UNC13B: variants seen among roughly 807,000 people sequenced by gnomAD.
UNC13B encodes unc-13 homolog B.
UNC13B carries 144 observed loss-of-function variants against 211.0 expected under a neutral mutation model. The observed-to-expected ratio is 0.68, with a 90% confidence interval of 0.60 to 0.78. The LOEUF (loss-of-function observed/expected upper bound fraction) is 0.78. UNC13B is among the 30% of genes least tolerant of loss of function. The pLI, the probability that UNC13B is intolerant of heterozygous loss-of-function variation, is 0.00. For missense variants in UNC13B, 1,777 were observed against 2,002.0 expected, an observed-to-expected ratio of 0.89 and a Z score of 2.14; for synonymous variants, 709 against 725.8, an observed-to-expected ratio of 0.98 and a Z score of 0.37.
intron 1 of UNC13B, among the ~76,000 whole-genome samples, chr9:35,226,356 GTGTGTGTGTGTGTGTA>G (rs1194617008): frequency 1.3e-5 from 2 of 151,280 alleles, no homozygotes; most frequent in African/African-American, 2.4e-5. Flanking sequence ...CTGATAGGGT[GTGTGTGTGTGTGTGTA>G]TGTGTGTGTG....
chr9:35,206,665 A>G (rs1285496689), intron 1 of UNC13B, among the ~76,000 whole-genome samples: 2 of 152,076 alleles, frequency 1.3e-5, no homozygotes, highest in African/African-American at 4.8e-5. Flanking sequence ...CACGAGGTCA[A>G]GAGATCGAGA....
chr9:35,331,784 A>G (rs1022781319), intron 11 of UNC13B, among the ~76,000 whole-genome samples: 4 of 151,576 alleles, frequency 2.6e-5, no homozygotes, highest in East Asian at 1.9e-4. Flanking sequence ...ATTTTCTTCT[A>G]TTATTCTTAG....
intron 8 of UNC13B, among the ~76,000 whole-genome samples, chr9:35,299,136 G>A (rs1425860391): frequency 6.6e-6 from 1 of 152,138 alleles, no homozygotes; most frequent in Non-Finnish European, 1.5e-5. Flanking sequence ...GGAGGCTGAG[G>A]CAGGAGAATT....
chr9:35,266,883 G>T (rs1272292245), intron 7 of UNC13B, among the ~76,000 whole-genome samples: 1 of 152,192 alleles, frequency 6.6e-6, no homozygotes, highest in Non-Finnish European at 1.5e-5. Flanking sequence ...TGAAAGAAAG[G>T]TAAGGCAGAG....
At chr9:35,222,771 A>C (rs1824633343) in intron 1 of UNC13B, among the ~76,000 whole-genome samples, 1 of 152,136 alleles carries the variant, frequency 6.6e-6, no homozygotes, top group South Asian at 2.1e-4. Context: ...AACTATAATC[A>C]CCCCAGTCTG....
rs1587715780 is a variant in UNC13B at position 35,370,468 on chromosome 9, C to T, written c.9540+72C>T. The T allele has an allele frequency of 1.2e-5, 17 of 1,446,856 alleles. No homozygotes were observed. The East Asian group carries it at 3.9e-4, about 33-fold the overall frequency. The allele number at this position is 1,446,856 out of a possible 1,614,324, so 89.6% of individuals were successfully genotyped here. A position where few individuals can be genotyped will look rare whatever the true frequency, so the allele number is the denominator to read the frequency against. On this transcript the variant is annotated intron_variant, in intron 13 of 39. Transcript: ENST00000635942. ...CCCCCATTGGGCCTTGGCAAGCTGTCAGGATTGGAAGTCGTCCATTTAATG... is the reference window on the plus strand; with the variant it reads ...CCCCCATTGGGCCTTGGCAAGCTGTTAGGATTGGAAGTCGTCCATTTAATG...
intron 1 of UNC13B, among the ~76,000 whole-genome samples, chr9:35,202,716 A>G (rs914252626): frequency 6.7e-6 from 1 of 149,998 alleles, no homozygotes; most frequent in African/African-American, 2.5e-5. Flanking sequence ...ATCTTCCTCC[A>G]TCCCTTTATT....
chr9:35,339,543 G>A (rs1469797108), intron 11 of UNC13B, among the ~76,000 whole-genome samples: 5 of 152,232 alleles, frequency 3.3e-5, no homozygotes, highest in African/African-American at 9.6e-5. Flanking sequence ...AGCTTCCACT[G>A]ACTGTTTGCC....
intron 7 of UNC13B, among the ~76,000 whole-genome samples, chr9:35,280,317 T>C (rs1406214412): frequency 6.6e-6 from 1 of 152,022 alleles, no homozygotes; most frequent in African/African-American, 2.4e-5. Flanking sequence ...GAAGAAAGGG[T>C]TCAAAAGGTA....
In UNC13B at chr9:35,300,518, G is replaced by T; in HGVS notation, c.1114G>T (p.Asp372Tyr). 1 of 398,988 alleles carries T rather than the reference G, an allele frequency of 2.5e-6. No homozygotes were observed. Among genetic ancestry groups the T allele is most frequent in the Non-Finnish European group, 4.4e-6 (1 of 226,034 alleles). 24.7% of individuals were successfully genotyped at this position (398,988 alleles called of 1,614,324 possible). A position where few individuals can be genotyped will look rare whatever the true frequency, so the allele number is the denominator to read the frequency against. Residue 372 changes from aspartate (D) to tyrosine (Y), a missense_variant, in exon 9 of 40, where the codon GAT becomes TAT. Coordinates refer to ENST00000635942, the MANE Select transcript of UNC13B (RefSeq NM_001371189.2). ...TTTTACCTCATTAGATATTCTTGAAGATTCTACTAGTAGTACTTCTGATGA... is the reference window on the plus strand; with the variant it reads ...TTTTACCTCATTAGATATTCTTGAATATTCTACTAGTAGTACTTCTGATGA... The part of the protein sequence containing the change: ...TNFTSLDILE[D>Y]STSSTSDELL...
In UNC13B at chr9:35,306,928, T is replaced by C; in HGVS notation, c.7524T>C (p.Gly2508=). 2.5e-6 allele frequency: 1 copy of C among 398,922 alleles called. No homozygotes were observed. 24.7% of individuals were successfully genotyped at this position (398,922 alleles called of 1,614,324 possible). A position where few individuals can be genotyped will look rare whatever the true frequency, so the allele number is the denominator to read the frequency against. The change falls in exon 9 of 40, where the codon GGT becomes GGC. Residue 2508 remains glycine (G), a synonymous_variant. Transcript: ENST00000635942. Reference sequence around the variant, plus strand: ...ATGTATCATCTCAGCCCCTCAAAGGTGAATTATTTGGAATTTTCAAAAGTC... The same window carrying C: ...ATGTATCATCTCAGCCCCTCAAAGGCGAATTATTTGGAATTTTCAAAAGTC... The part of the protein sequence containing the change: ...ASDVSSQPLK[G]ELFGIFKSPK...
rs1335438384 is a variant in UNC13B, at chr9:35,307,289, G to A, written c.7885G>A (p.Glu2629Lys). ...GCAAGGAGTATTGTCTCTGAGTGAT[G>A]AAGGAGACATGGGGATATTGCAAGC... ...TGQGVLSLSD[E>K]GDMGILQATD... Residue 2629 changes from glutamate to lysine, a missense_variant, in exon 9 of 40, where the codon GAA (glutamate) becomes AAA (lysine). Glu to Lys is a moderately conservative substitution (Grantham distance 56). Coordinates refer to ENST00000635942, the MANE Select transcript of UNC13B (RefSeq NM_001371189.2). 2.5e-6 allele frequency: 1 copy of A among 398,868 alleles called. No homozygotes were observed. Among genetic ancestry groups the A allele is most frequent in the Admixed American group, 4.4e-5 (1 of 22,706 alleles). 24.7% of individuals were successfully genotyped at this position (398,868 alleles called of 1,614,324 possible).
In UNC13B at chr9:35,307,030, T is replaced by C. The variant is rs978790449; in HGVS notation, c.7626T>C (p.Ala2542=). 5 of 398,932 alleles carry C rather than the reference T, an allele frequency of 1.3e-5. No individual in the cohort carries two copies. Among genetic ancestry groups the C allele is most frequent in the Non-Finnish European group, 2.2e-5 (5 of 226,072 alleles). 24.7% of individuals were successfully genotyped at this position (398,932 alleles called of 1,614,324 possible). ...SWLQNGCSRD[A]VGSVPPERRE... is the part of the protein sequence containing the mutation. ...TTCAAAATGGTTGTTCCAGAGATGCTGTAGGATCAGTACCTCCAGAAAGGA... is the reference window on the plus strand; with the variant it reads ...TTCAAAATGGTTGTTCCAGAGATGCCGTAGGATCAGTACCTCCAGAAAGGA... The change falls in exon 9 of 40, where the codon GCT becomes GCC. Residue 2542 remains alanine (A), a synonymous_variant. Coordinates refer to ENST00000635942, the MANE Select transcript of UNC13B (RefSeq NM_001371189.2).
At chr9:35,265,788 G>C (rs907550377) in intron 7 of UNC13B, among the ~76,000 whole-genome samples, 1 of 152,026 alleles carries the variant, frequency 6.6e-6, no homozygotes, top group Admixed American at 6.6e-5. Flanking sequence ...TAAAAACAAA[G>C]TTATTATTAA....
intron 11 of UNC13B, among the ~76,000 whole-genome samples, chr9:35,322,919 T>A (rs1484637640): frequency 6.6e-6 from 1 of 151,978 alleles, no homozygotes; most frequent in African/African-American, 2.4e-5. Context: ...CCCTAACCAT[T>A]GCCATTCTAA....
rs1483966180 is a variant in UNC13B, at chr9:35,306,977, G to T, written c.7573G>T (p.Glu2525Ter). Reference protein sequence around the residue: ...KSPKPEPYKQESSLPATSWLQ... With the variant: ...KSPKPEPYKQ ...TCCCAAGCCAGAGCCATACAAACAA[G>T]AATCATCTCTCCCAGCTACTTCATG... Residue 2525 changes from glutamate to a stop codon, truncating the protein, a stop_gained, in exon 9 of 40, where the codon GAA becomes TAA. Transcript: ENST00000635942. LOFTEE classifies it high-confidence loss of function. The T allele has an allele frequency of 2.5e-6, 1 of 398,952 alleles. No individual in the cohort carries two copies. The highest frequency in any genetic ancestry group is 1.3e-4 in the South Asian group (1 of 7,844). The allele number at this position is 398,952 out of a possible 1,614,324, so 24.7% of individuals were successfully genotyped here.
chr9:35,357,084 C>A lies in UNC13B; in HGVS notation c.9415-9863C>A, dbSNP rs144288970. 1.6e-4 allele frequency among the ~76,000 whole-genome samples: 24 copies of A among 152,238 alleles called. 1 individual carries two copies. In the South Asian group the frequency reaches 4.8e-3, roughly 30 times the overall value. The stretch of plus-strand genomic sequence containing the variant: ...TTTCTATGGAACTATATTTTCAATT[C>A]TCTTGGGTATTTACCTAGAAGTAAA... On this transcript the variant is annotated intron_variant, in intron 11 of 39. Transcript: ENST00000635942.
rs930466789 is a variant in UNC13B, at chr9:35,316,556, A to T, written c.9414+2567A>T. Among the ~76,000 whole-genome samples, 2 of 152,232 alleles carry T rather than the reference A, an allele frequency of 1.3e-5. 1 individual carries two copies. Among genetic ancestry groups the T allele is most frequent in the Admixed American group, 1.3e-4 (2 of 15,282 alleles). ...GAAACAATGTTACTGATAAAAACTCATAATTGCATGCTCTAAAATCTTGGA... is the reference window on the plus strand; with the variant it reads ...GAAACAATGTTACTGATAAAAACTCTTAATTGCATGCTCTAAAATCTTGGA... On this transcript the variant is annotated intron_variant, in intron 11 of 39. Coordinates refer to ENST00000635942, the MANE Select transcript of UNC13B (RefSeq NM_001371189.2).
chr9:35,366,865 G>A lies in UNC13B; in HGVS notation c.9415-82G>A, dbSNP rs1190914000. 3 of 1,211,210 alleles carry A rather than the reference G, an allele frequency of 2.5e-6. No homozygotes were observed. In the African/African-American group the frequency reaches 4.5e-5, roughly 18 times the overall value. 75.0% of individuals were successfully genotyped at this position (1,211,210 alleles called of 1,614,324 possible). ...ATGTGACTTACACTGCTCTGGGCTT[G>A]TACTCTACTGCTCGCTGCTCAGATT... On this transcript the variant is annotated intron_variant, in intron 11 of 39. Transcript: ENST00000635942.
Sources: gnomAD v4.1 joint callset for allele counts (sites outside exome capture counted in the v4.1 genomes callset) on GRCh38, gnomAD v4.1.1 for gene constraint, MANE v1.5 for transcripts, NCBI Gene and HGNC (gene_info 2026-07-23, HGNC 2026-07-21) for gene names.